The following METTL15 variants were observed in gnomAD, a reference collection of about 807,000 sequenced individuals.
METTL15 encodes the protein 12S rRNA N(4)-cytidine methyltransferase METTL15.
In METTL15, 34 loss-of-function variants were observed where a neutral mutation model predicts 38.3. That is an observed-to-expected ratio of 0.89 (90% CI 0.68 to 1.18). The LOEUF (loss-of-function observed/expected upper bound fraction) is 1.18. Ranked by LOEUF, METTL15 falls within the 50% of genes most tolerant of loss-of-function variation. METTL15 has a pLI of 0.00. For missense variants in METTL15, 438 were observed against 498.4 expected (o/e 0.88, Z 1.15); for synonymous variants, 162 against 170.9 (o/e 0.95, Z 0.41).
intron 5 of METTL15, among the ~76,000 whole-genome samples, chr11:28,380,585 T>C (rs1814985459): frequency 6.6e-6 from 1 of 152,204 alleles, no homozygotes; most frequent in African/African-American, 2.4e-5. Context: ...GATAAGTATT[T>C]TCTCTAGCAG....
At chr11:28,130,899 A>T (rs766445401) in intron 3 of METTL15, among the ~76,000 whole-genome samples, 2 of 152,184 alleles carry the variant, frequency 1.3e-5, no homozygotes, top group Non-Finnish European at 2.9e-5. Flanking sequence ...ATGAAAAATG[A>T]CATTTTGTTT....
intron 3 of METTL15, among the ~76,000 whole-genome samples, chr11:28,350,743 G>T (rs1850033904): frequency 6.6e-6 from 1 of 152,144 alleles, no homozygotes; most frequent in South Asian, 2.1e-4. Context: ...CAATCAATAG[G>T]TATTCACTGA....
intron 4 of METTL15, among the ~76,000 whole-genome samples, chr11:28,245,773 G>A (rs1164864470): frequency 6.6e-6 from 1 of 152,150 alleles, no homozygotes; most frequent in Non-Finnish European, 1.5e-5. Context: ...AAAGGTGAAG[G>A]GGAAGCAAGC....
At chr11:28,373,293 A>C (rs1193133647) in intron 5 of METTL15, among the ~76,000 whole-genome samples, 1 of 151,936 alleles carries the variant, frequency 6.6e-6, no homozygotes, top group Non-Finnish European at 1.5e-5. Context: ...TTGTTTCCTG[A>C]CTTTTTAATG....
chr11:28,123,244 T>G (rs1399553592), intron 3 of METTL15, among the ~76,000 whole-genome samples: 1 of 152,164 alleles, frequency 6.6e-6, no homozygotes, highest in East Asian at 1.9e-4. Context: ...TGATCAATAG[T>G]CTAATCATAG....
intron 3 of METTL15, among the ~76,000 whole-genome samples, chr11:28,189,756 T>C (rs1323475650): frequency 6.6e-6 from 1 of 151,230 alleles, no homozygotes; most frequent in East Asian, 1.9e-4. Flanking sequence ...CAATCTCACA[T>C]TTTGTAAAAT....
intron 3 of METTL15, among the ~76,000 whole-genome samples, chr11:28,169,042 G>C (rs1446446137): frequency 6.6e-6 from 1 of 152,178 alleles, no homozygotes; most frequent in African/African-American, 2.4e-5. Context: ...ATGCCCATAA[G>C]ATGCTAAGAT....
intron 3 of METTL15, among the ~76,000 whole-genome samples, chr11:28,345,243 C>T (rs1223431822): frequency 6.6e-6 from 1 of 152,176 alleles, no homozygotes; most frequent in East Asian, 1.9e-4. Context: ...GGCTGGAGTG[C>T]AATGACGTGA....
At chr11:28,291,639 CA>C (rs1172811063) in intron 5 of METTL15, among the ~76,000 whole-genome samples, 33 of 151,952 alleles carry the variant, frequency 2.2e-4, no homozygotes, top group Non-Finnish European at 2.8e-4. Context: ...TGTTGGTATT[CA>C]CAGAATGAAG....
rs1229418663 is a variant in METTL15 at position 28,201,542 on chromosome 11, AC to A, written c.271-9519del. Among the ~76,000 whole-genome samples, 8 of 150,596 alleles carry A rather than the reference AC, an allele frequency of 5.3e-5. 1 individual carries two copies. Among genetic ancestry groups the A allele is most frequent in the African/African-American group, 9.8e-5 (4 of 40,758 alleles). ...TCTTTTGGTTGGTAGGCTATTAATT[AC>A]TGCCTCAATTTCAGAGGCAGTTGGT... On this transcript the variant is annotated intron_variant, in intron 3 of 6. Coordinates refer to ENST00000407364, the MANE Select transcript of METTL15 (RefSeq NM_001113528.2).
At chr11:28,346,584 G>A (rs982372259) in intron 3 of METTL15, among the ~76,000 whole-genome samples, 1 of 152,110 alleles carries the variant, frequency 6.6e-6, no homozygotes, top group African/African-American at 2.4e-5. Flanking sequence ...TTGAAATTTT[G>A]TTATGGATTT....
At chr11:28,517,661 A>G (rs542790486) in intron 6 of METTL15, among the ~76,000 whole-genome samples, 90 of 152,222 alleles carry the variant, frequency 5.9e-4, no homozygotes, top group Admixed American at 1.6e-3. Context: ...TTATTTCTAT[A>G]TTTCACTCCT....
intron 3 of METTL15, among the ~76,000 whole-genome samples, chr11:28,114,684 C>G (rs977088801): frequency 6.6e-6 from 1 of 152,176 alleles, no homozygotes; most frequent in Non-Finnish European, 1.5e-5. Flanking sequence ...CTCCTGACCT[C>G]AGGTGATCCT....
rs1272958031 is a variant in METTL15 at position 28,292,992 on chromosome 11, C to T, written c.599+2595C>T. On this transcript the variant is annotated intron_variant, in intron 5 of 6. Coordinates refer to ENST00000407364, the MANE Select transcript of METTL15 (RefSeq NM_001113528.2). ...ATGAGTAGGTTGCAAAAATTTTCTG[C>T]CATTCTGTAGGTTGCCTGTTCACTC... Among the ~76,000 whole-genome samples, 7 of 152,168 alleles carry T rather than the reference C, an allele frequency of 4.6e-5. No individual in the cohort carries two copies. In the South Asian group the frequency reaches 6.2e-4, roughly 14 times the overall value.
At chr11:28,141,465 T>C (rs1849695729) in intron 3 of METTL15, among the ~76,000 whole-genome samples, 1 of 152,072 alleles carries the variant, frequency 6.6e-6, no homozygotes, top group South Asian at 2.1e-4. Context: ...GGAGGATTGC[T>C]TAAGCCCAGA....
At chr11:28,417,957 T>A (rs1417955058) in intron 5 of METTL15, among the ~76,000 whole-genome samples, 1 of 152,232 alleles carries the variant, frequency 6.6e-6, no homozygotes, top group African/African-American at 2.4e-5. Context: ...TCTAATTTGA[T>A]CTTATCTTGA....
At chr11:28,210,744 TG>T (rs1409513048) in intron 3 of METTL15, among the ~76,000 whole-genome samples, 1 of 151,980 alleles carries the variant, frequency 6.6e-6, no homozygotes, top group East Asian at 1.9e-4. Context: ...AGCTGGATGC[TG>T]GGAAGTGTTA....
chr11:28,142,866 G>C (rs998033041), intron 3 of METTL15, among the ~76,000 whole-genome samples: 1 of 152,092 alleles, frequency 6.6e-6, no homozygotes, highest in African/African-American at 2.4e-5. Context: ...GCTGGGAGTG[G>C]GTTGTGCAAC....
intron 4 of METTL15, among the ~76,000 whole-genome samples, chr11:28,286,990 T>C (rs1457090656): frequency 7.0e-6 from 1 of 143,876 alleles, no homozygotes; most frequent in African/African-American, 2.7e-5. Context: ...CCACACTATA[T>C]ATATATGTAT....
Sources: allele counts gnomAD v4.1 joint callset (sites outside exome capture counted in the v4.1 genomes callset), GRCh38; gene constraint gnomAD v4.1.1; transcripts MANE v1.5; gene names NCBI Gene and HGNC (gene_info 2026-07-23, HGNC 2026-07-21).